The following SORCS2 variants were observed in gnomAD, a reference collection of about 807,000 sequenced individuals.
SORCS2 encodes VPS10 domain-containing receptor SorCS2.
A neutral mutation model predicts 141.6 loss-of-function variants in SORCS2; 100 were observed. The ratio of observed to expected loss-of-function variants is 0.71; its 90% CI spans 0.60 to 0.83. The LOEUF (loss-of-function observed/expected upper bound fraction) is 0.83. Among genes scored for constraint, SORCS2 ranks in the 40% least tolerant of loss-of-function variants. The probability of loss-of-function intolerance (pLI) is 0.00; values close to 1 mark genes in which losing one functional copy is unlikely to be tolerated. For synonymous variants in SORCS2, 789 were observed against 676.9 expected, an observed-to-expected ratio of 1.17 and a Z score of -2.57; for missense variants, 1,646 against 1,560.2, an observed-to-expected ratio of 1.05 and a Z score of -0.93.
At chr4:7,535,868 C>A (rs896418259) in intron 3 of SORCS2, among the ~76,000 whole-genome samples, 1 of 152,264 alleles carries the variant, frequency 6.6e-6, no homozygotes, top group Non-Finnish European at 1.5e-5. Context: ...TTCCCTCAGG[C>A]CCGGGTCAGG....
intron 3 of SORCS2, among the ~76,000 whole-genome samples, chr4:7,633,342 G>C (rs1488284848): frequency 6.6e-6 from 1 of 152,194 alleles, no homozygotes; most frequent in Non-Finnish European, 1.5e-5. Context: ...ACCCCCACCT[G>C]CTTGCCTTTG....
intron 2 of SORCS2, among the ~76,000 whole-genome samples, chr4:7,405,658 A>G (rs558754395): frequency 1.7e-4 from 26 of 152,238 alleles, no homozygotes; most frequent in African/African-American, 6.0e-4. Flanking sequence ...ATATTGGTAT[A>G]AAGAAACACT....
At chr4:7,473,951 G>T (rs747075619) in intron 2 of SORCS2, among the ~76,000 whole-genome samples, 1 of 152,176 alleles carries the variant, frequency 6.6e-6, no homozygotes, top group Non-Finnish European at 1.5e-5. Context: ...TGGTGATGTC[G>T]TTACCCAGCT....
chr4:7,396,368 G>C lies in SORCS2; in HGVS notation c.548+13G>C. 1 of 1,613,508 alleles carries C rather than the reference G, an allele frequency of 6.2e-7. No homozygotes were observed. Among genetic ancestry groups the C allele is most frequent in the African/African-American group, 1.3e-5 (1 of 75,022 alleles). ...GTTCTCTGTGGCGGTAAGTCAGCCC[G>C]ATGGCAGGCCTTTCTCTTATGCACC... is the stretch of plus-strand genomic sequence containing the variant. On this transcript the variant is annotated intron_variant, in intron 2 of 26. Coordinates refer to ENST00000507866, the MANE Select transcript of SORCS2 (RefSeq NM_020777.3).
At chr4:7,322,636 C>T (rs765287732) in intron 1 of SORCS2, among the ~76,000 whole-genome samples, 10 of 152,154 alleles carry the variant, frequency 6.6e-5, no homozygotes, top group African/African-American at 2.2e-4. Context: ...CCGGGACAGC[C>T]CAACCCCCTT....
At chr4:7,526,206 G>A (rs577373998) in intron 2 of SORCS2, among the ~76,000 whole-genome samples, 42 of 152,378 alleles carry the variant, frequency 2.8e-4, no homozygotes, top group African/African-American at 9.9e-4. Flanking sequence ...GGGGTCACGT[G>A]CCCATCCACT....
chr4:7,194,747 G>C (rs1727068961), intron 1 of SORCS2, among the ~76,000 whole-genome samples: 1 of 152,178 alleles, frequency 6.6e-6, no homozygotes, highest in Admixed American at 6.5e-5. Context: ...AACGGTGTGT[G>C]CTCTACCATA....
intron 5 of SORCS2, 150 bp from the exon 6 acceptor site, chr4:7,661,350 G>A (rs1379313703): frequency 2.8e-6 from 2 of 704,596 alleles, no homozygotes; most frequent in Non-Finnish European, 2.5e-6. Flanking sequence ...GAGCAGGTGG[G>A]GTCCTGGGGT....
chr4:7,420,755 C>T (rs1387027070), intron 2 of SORCS2, among the ~76,000 whole-genome samples: 2 of 152,210 alleles, frequency 1.3e-5, no homozygotes, highest in South Asian at 2.1e-4. Flanking sequence ...AGGACCCACA[C>T]GGTCCTGAGG....
At chr4:7,710,176 C>G (rs1418036528) in intron 14 of SORCS2, among the ~76,000 whole-genome samples, 1 of 152,134 alleles carries the variant, frequency 6.6e-6, no homozygotes, top group South Asian at 2.1e-4. Context: ...ACCAATGGAG[C>G]CCCAGTGTCA....
At chr4:7,639,716 C>A (rs1312608262) in intron 4 of SORCS2, among the ~76,000 whole-genome samples, 1 of 140,904 alleles carries the variant, frequency 7.1e-6, no homozygotes, top group Non-Finnish European at 1.5e-5. Context: ...TGTGTGTTCA[C>A]CTGTGAGTGG....
rs957051835 is a variant in SORCS2, at chr4:7,653,937, C to T, written c.814-197C>T. Among the ~76,000 whole-genome samples the T allele has an allele frequency of 8.5e-5, 13 of 152,322 alleles. 1 individual carries two copies. The highest frequency in any genetic ancestry group is 4.6e-4 in the Admixed American group (7 of 15,306). Reference sequence around the variant, plus strand: ...ATCTCCTGGCTCCTGCCAGCTGGCCCGGGGACAGGAATGGTTCCTCCTGGA... The same window carrying T: ...ATCTCCTGGCTCCTGCCAGCTGGCCTGGGGACAGGAATGGTTCCTCCTGGA... On this transcript the variant is annotated intron_variant, in intron 4 of 26. Coordinates refer to ENST00000507866, the MANE Select transcript of SORCS2 (RefSeq NM_020777.3).
chr4:7,534,826 A>C (rs373669344), intron 3 of SORCS2, among the ~76,000 whole-genome samples: 1 of 152,256 alleles, frequency 6.6e-6, no homozygotes, highest in African/African-American at 2.4e-5. Context: ...TGGCCAGAGG[A>C]AAATGAATTT....
intron 2 of SORCS2, among the ~76,000 whole-genome samples, chr4:7,510,600 C>T (rs58292053): frequency 2.1e-5 from 3 of 142,980 alleles, no homozygotes; most frequent in Admixed American, 7.1e-5. Flanking sequence ...TTGTTCTGTG[C>T]GCGGCATGTC....
At chr4:7,672,472 T>A (rs1421200254) in intron 8 of SORCS2, among the ~76,000 whole-genome samples, 1 of 152,228 alleles carries the variant, frequency 6.6e-6, no homozygotes, top group Non-Finnish European at 1.5e-5. Context: ...ATTTCCTCTG[T>A]CATGTCTATT....
At chr4:7,280,764 C>T (rs559361652) in intron 1 of SORCS2, among the ~76,000 whole-genome samples, 2 of 152,156 alleles carry the variant, frequency 1.3e-5, no homozygotes, top group Non-Finnish European at 2.9e-5. Context: ...ACAGAGATGA[C>T]TAGTACTGCA....
chr4:7,525,904 C>CAGTCACCTGTCTCCTT lies in SORCS2; in HGVS notation c.549-5626_549-5625insAGTCACCTGTCTCCTT, dbSNP rs1313472996. Among the ~76,000 whole-genome samples, 17 of 135,408 alleles carry CAGTCACCTGTCTCCTT rather than the reference C, an allele frequency of 1.3e-4. 1 individual carries two copies. Among genetic ancestry groups the CAGTCACCTGTCTCCTT allele is most frequent in the Non-Finnish European group, 2.3e-4 (15 of 64,450 alleles). 88.8% of individuals were successfully genotyped at this position (135,408 alleles called of 152,430 possible). A position where few individuals can be genotyped will look rare whatever the true frequency, so the allele number is the denominator to read the frequency against. ...TCCCCTCCTCAGTCACCTGTCTCCTCCTGCAGTCACCTGTCCCCTCCTCAC... is the reference window on the plus strand; with the variant it reads ...TCCCCTCCTCAGTCACCTGTCTCCTCAGTCACCTGTCTCCTTCTGCAGTCACCTGTCCCCTCCTCAC... On this transcript the variant is annotated intron_variant, in intron 2 of 26. Coordinates refer to ENST00000507866, the MANE Select transcript of SORCS2 (RefSeq NM_020777.3).
intron 3 of SORCS2, among the ~76,000 whole-genome samples, chr4:7,615,102 A>G (rs1424156709): frequency 6.6e-6 from 1 of 151,850 alleles, no homozygotes; most frequent in African/African-American, 2.4e-5. Flanking sequence ...CCATTCATCT[A>G]CTCATCCATT....
At chr4:7,655,155 C>A (rs115997357) in intron 5 of SORCS2, among the ~76,000 whole-genome samples, 5 of 151,922 alleles carry the variant, frequency 3.3e-5, no homozygotes, top group Non-Finnish European at 5.9e-5. Flanking sequence ...CATGTTACAC[C>A]GCTCCTTGAT....
Sources: allele counts gnomAD v4.1 joint callset (sites outside exome capture counted in the v4.1 genomes callset), GRCh38; gene constraint gnomAD v4.1.1; transcripts MANE v1.5; gene names NCBI Gene and HGNC (gene_info 2026-07-23, HGNC 2026-07-21).